Variants in SLA2 observed in about 807,000 individuals in gnomAD.
SLA2 encodes Src like adaptor 2.
A neutral mutation model predicts 27.3 loss-of-function variants in SLA2; 22 were observed. The observed-to-expected ratio is 0.81, with a 90% CI of 0.58 to 1.15. The LOEUF (loss-of-function observed/expected upper bound fraction) is 1.15. Ranked by LOEUF, SLA2 falls within the 50% of genes most tolerant of loss-of-function variation. SLA2 has a pLI of 0.00. For missense variants in SLA2, 304 were observed against 322.2 expected (o/e 0.94, Z 0.43); for synonymous variants, 131 against 137.8 (o/e 0.95, Z 0.34).
intron 1 of SLA2, among the ~76,000 whole-genome samples, 200 bp from the exon 2 acceptor site, chr20:36,641,578 T>A (rs1422463135): frequency 6.6e-6 from 1 of 152,120 alleles, no homozygotes; most frequent in Non-Finnish European, 1.5e-5. Context: ...ATCTCATCTT[T>A]TTTATGCCAC....
At chr20:36,614,156 C>G (rs1475250740) in intron 7 of SLA2, 149 bp downstream of exon 7, 1 of 1,474,226 alleles carries the variant, frequency 6.8e-7, no homozygotes, top group Non-Finnish European at 9.3e-7. Flanking sequence ...GAGCCTGGGC[C>G]GTGCTCCAGG....
chr20:36,613,190 A>G lies in SLA2; in HGVS notation c.*676T>C, dbSNP rs745594860. The G allele has an allele frequency of 6.6e-6, 1 of 152,474 alleles. No individual in the cohort carries two copies. The highest frequency in any genetic ancestry group is 1.5e-5 in the Non-Finnish European group (1 of 68,220). 9.4% of individuals were successfully genotyped at this position (152,474 alleles called of 1,614,324 possible). Reference sequence around the variant, plus strand: ...AGCTGAGATCGTGCCATTGCACTCCAGCATGGGCAACAGGGCAAGACTCCG... The same window carrying G: ...AGCTGAGATCGTGCCATTGCACTCCGGCATGGGCAACAGGGCAAGACTCCG... On this transcript the variant is annotated 3_prime_UTR_variant, in exon 8 of 8. Coordinates refer to ENST00000262866, the MANE Select transcript of SLA2 (RefSeq NM_032214.4).
chr20:36,617,704 A>G (rs2039230680), intron 5 of SLA2, among the ~76,000 whole-genome samples: 1 of 151,294 alleles, frequency 6.6e-6, no homozygotes, highest in South Asian at 2.1e-4. Flanking sequence ...GAAAATACAA[A>G]AAATTAGCCA....
intron 2 of SLA2, among the ~76,000 whole-genome samples, chr20:36,638,995 C>T (rs1288514585): frequency 6.6e-6 from 1 of 152,038 alleles, no homozygotes; most frequent in Admixed American, 6.6e-5. Context: ...TACAGGCGTG[C>T]GCCACCATGC....
At chr20:36,620,069 C>T (rs559464189) in intron 5 of SLA2, among the ~76,000 whole-genome samples, 64 of 151,596 alleles carry the variant, frequency 4.2e-4, no homozygotes, top group African/African-American at 1.5e-3. Context: ...CCAGCCTGGG[C>T]GACAGAGCGA....
At chr20:36,614,123 C>A in intron 7 of SLA2, 137 bp from the exon 8 acceptor site, 2 of 1,464,948 alleles carry the variant, frequency 1.4e-6, no homozygotes, top group South Asian at 2.5e-5. Context: ...CCTATCAGAT[C>A]AGCTTCCCCA....
rs1471371235 is a variant in SLA2 at position 36,621,171 on chromosome 20, T to C, written c.383-5797A>G. 9 of 452,410 alleles carry C rather than the reference T, an allele frequency of 2.0e-5. 1 individual carries two copies. Among genetic ancestry groups the C allele is most frequent in the South Asian group, 7.2e-5 (4 of 55,328 alleles). 28.0% of individuals were successfully genotyped at this position (452,410 alleles called of 1,614,324 possible). A position where few individuals can be genotyped will look rare whatever the true frequency, so the allele number is the denominator to read the frequency against. On this transcript the variant is annotated intron_variant, in intron 5 of 7. Coordinates refer to ENST00000262866, the MANE Select transcript of SLA2 (RefSeq NM_032214.4). The stretch of plus-strand genomic sequence containing the variant: ...GCTGCTGTGGTGGTGGAGCAAGATA[T>C]GAAAACCAAGGTGGTGGATATGGTG...
At chr20:36,636,427 C>CAAAAAAAAAA (rs71186007) in intron 2 of SLA2, among the ~76,000 whole-genome samples, 7 of 61,428 alleles carry the variant, frequency 1.1e-4, no homozygotes, top group African/African-American at 4.2e-4. Flanking sequence ...GACTCCGTCT[C>CAAAAAAAAAA]AAAAAAAAAA....
Position 36,632,647 on chromosome 20 carries a change from TAAC to T in SLA2, c.327_329del (p.Leu110del). 6.2e-7 allele frequency: 1 copy of T among 1,614,130 alleles called. No individual in the cohort carries two copies. Among genetic ancestry groups the T allele is most frequent in the Non-Finnish European group, 8.5e-7 (1 of 1,180,000 alleles). ...GGAAGGCCCCTCCAGGGTTCCCAGGTAACAACAGCAGTTCCTCTGCTTTCTCCC... is the reference window on the plus strand; with the variant it reads ...GGAAGGCCCCTCCAGGGTTCCCAGGTAACAGCAGTTCCTCTGCTTTCTCCC... On this transcript the variant is annotated inframe_deletion, in exon 5 of 8. Coordinates refer to ENST00000262866, the MANE Select transcript of SLA2 (RefSeq NM_032214.4).
intron 5 of SLA2, among the ~76,000 whole-genome samples, chr20:36,628,724 AT>A (rs560687670): frequency 1.2e-3 from 183 of 146,952 alleles, no homozygotes; most frequent in African/African-American, 3.2e-3. Flanking sequence ...TTAAAAAAAA[AT>A]TTTTTTTTTT....
intron 1 of SLA2, among the ~76,000 whole-genome samples, chr20:36,644,868 GTTTTTTTTTTTT>G (rs3066378): frequency 2.5e-5 from 2 of 80,674 alleles, no homozygotes; most frequent in African/African-American, 1.0e-4. Context: ...AGAATATTGT[GTTTTTTTTTTTT>G]TTTTTTTTTT....
intron 3 of SLA2, 145 bp downstream of exon 3, chr20:36,634,344 CT>C (rs1043760947): frequency 8.5e-6 from 5 of 587,394 alleles, no homozygotes. Context: ...AGTGCACTGG[CT>C]TGATCATAGC....
intron 2 of SLA2, among the ~76,000 whole-genome samples, chr20:36,637,949 C>T (rs2147995374): frequency 7.1e-6 from 1 of 141,326 alleles, no homozygotes; most frequent in South Asian, 2.3e-4. Context: ...ACTGCAATGG[C>T]ATGATCTTGG....
chr20:36,615,503 A>G, intron 5 of SLA2, 129 bp from the exon 6 acceptor site: 1 of 979,240 alleles, frequency 1.0e-6, no homozygotes, highest in Non-Finnish European at 1.5e-6. Flanking sequence ...GGGCAGAAGC[A>G]GGACAAAGAC....
At chr20:36,633,718 G>T in intron 3 of SLA2, 89 bp from the exon 4 acceptor site, 1 of 1,104,562 alleles carries the variant, frequency 9.1e-7, no homozygotes, top group Non-Finnish European at 1.4e-6. Flanking sequence ...ACCCTCTCAG[G>T]CTGGATCCTG....
At position 36,633,612 on chromosome 20, in the gene SLA2, G is replaced by A. The variant is rs757714870; in HGVS notation, c.209C>T (p.Thr70Met). Residue 70 changes from threonine to methionine, a missense_variant, in exon 4 of 8, where the codon ACG becomes ATG. Thr to Met is a moderately conservative substitution (Grantham distance 81). Transcript: ENST00000262866. ...TIVSEDGDWWTVLSEVSGREY... is the reference protein window; with the variant it reads ...TIVSEDGDWWMVLSEVSGREY... The stretch of plus-strand genomic sequence containing the variant: ...TCTGCCTGAGACTTCAGACAGCACC[G>A]TCCACCAGTCTCCATCCCTGGAGAG... 15 of 1,613,658 alleles carry A rather than the reference G, an allele frequency of 9.3e-6. No homozygotes were observed. The East Asian group carries it at 1.6e-4, about 17-fold the overall frequency.
At chr20:36,614,045 A>G in intron 7 of SLA2, 59 bp from the exon 8 acceptor site, 2 of 1,601,344 alleles carry the variant, frequency 1.2e-6, no homozygotes, top group Non-Finnish European at 8.5e-7. Flanking sequence ...TGTACTCACT[A>G]CACACAAAAT....
At chr20:36,629,223 C>T (rs993034308) in intron 5 of SLA2, among the ~76,000 whole-genome samples, 7 of 151,908 alleles carry the variant, frequency 4.6e-5, no homozygotes, top group South Asian at 4.2e-4. Context: ...CCACCATGCC[C>T]GGCTAATTTT....
At chr20:36,643,779 C>T (rs553731679) in intron 1 of SLA2, among the ~76,000 whole-genome samples, 1 of 152,140 alleles carries the variant, frequency 6.6e-6, no homozygotes, top group African/African-American at 2.4e-5. Flanking sequence ...TGGTGAAACC[C>T]TGTCTTTACT....
Sources: gnomAD v4.1 joint callset for allele counts (sites outside exome capture counted in the v4.1 genomes callset) on GRCh38, gnomAD v4.1.1 for gene constraint, MANE v1.5 for transcripts, NCBI Gene and HGNC (gene_info 2026-07-23, HGNC 2026-07-21) for gene names.